Variants in SETD7 observed in about 807,000 individuals in gnomAD.
The protein encoded by SETD7 is SET domain containing 7, histone lysine methyltransferase.
In SETD7, 16 loss-of-function variants were observed where a neutral mutation model predicts 41.8. The observed-to-expected ratio is 0.38, with a 90% CI of 0.26 to 0.58. The LOEUF (loss-of-function observed/expected upper bound fraction) is 0.58, where lower values mean the gene tolerates loss of function less well. Ranked by LOEUF, SETD7 falls within the 20% of genes least tolerant of loss-of-function variation. SETD7 has a pLI of 0.64. For missense variants in SETD7, 346 were observed against 459.7 expected (o/e 0.75, Z 2.26); for synonymous variants, 163 against 169.7 (o/e 0.96, Z 0.31).
chr4:139,516,041 A>G (rs1164307252), intron 7 of SETD7, among the ~76,000 whole-genome samples: 1 of 152,216 alleles, frequency 6.6e-6, no homozygotes, highest in African/African-American at 2.4e-5. Flanking sequence ...TTCAGGGGTC[A>G]TGTAAAAACT....
At chr4:139,525,920 C>T (rs1727315310) in intron 4 of SETD7, among the ~76,000 whole-genome samples, 1 of 152,174 alleles carries the variant, frequency 6.6e-6, no homozygotes, top group South Asian at 2.1e-4. Context: ...TCAAACTATT[C>T]AACATTTCAA....
intron 7 of SETD7, among the ~76,000 whole-genome samples, chr4:139,516,749 T>C (rs2060665797): frequency 6.6e-6 from 1 of 152,210 alleles, no homozygotes; most frequent in Admixed American, 6.5e-5. Context: ...ATATTTACCT[T>C]TTGAAGTAGA....
chr4:139,528,125 A>G (rs149207926), intron 4 of SETD7, among the ~76,000 whole-genome samples: 44 of 152,290 alleles, frequency 2.9e-4, no homozygotes, highest in Non-Finnish European at 5.4e-4. Flanking sequence ...AAGCTGTGCC[A>G]CTCAAAATGC....
At position 139,555,342 on chromosome 4, in the gene SETD7, G is replaced by A. The variant is rs1016703215; in HGVS notation, c.40+756C>T. Among the ~76,000 whole-genome samples the A allele has an allele frequency of 2.0e-5, 3 of 151,910 alleles. No homozygotes were observed. The highest frequency in any genetic ancestry group is 2.9e-5 in the Non-Finnish European group (2 of 67,988). On this transcript the variant is annotated intron_variant, in intron 1 of 7. Transcript: ENST00000274031. This position sits in a 1 kb window ranked among gnomAD's most constrained non-coding sequence, Gnocchi z 4.0. ...AATTCAGAAAGTTAAGTGTCACCCAGCAATCTCGGTGCGGACTCGCGGCGC... is the reference window on the plus strand; with the variant it reads ...AATTCAGAAAGTTAAGTGTCACCCAACAATCTCGGTGCGGACTCGCGGCGC...
Position 139,506,666 on chromosome 4 carries a change from T to C in SETD7, c.*4997A>G, listed in dbSNP as rs1726712594. On this transcript the variant is annotated 3_prime_UTR_variant, in exon 8 of 8. Coordinates refer to ENST00000274031, the MANE Select transcript of SETD7 (RefSeq NM_030648.4). ...TACACAGTGAAAATTTATCCTAATA[T>C]GTATCATTTCATTATATCCAGGACC... The C allele has an allele frequency of 6.6e-6, 1 of 152,654 alleles. No homozygotes were observed. The highest frequency in any genetic ancestry group is 1.5e-5 in the Non-Finnish European group (1 of 68,040). The allele number at this position is 152,654 out of a possible 1,614,324, so 9.5% of individuals were successfully genotyped here.
chr4:139,550,991 T>C (rs1728094626), intron 1 of SETD7, among the ~76,000 whole-genome samples: 1 of 152,158 alleles, frequency 6.6e-6, no homozygotes, highest in East Asian at 1.9e-4. Flanking sequence ...GGCAAACTAG[T>C]TGAACACACT....
intron 4 of SETD7, among the ~76,000 whole-genome samples, chr4:139,525,116 C>T (rs1235336414): frequency 2.6e-5 from 4 of 152,196 alleles, no homozygotes; most frequent in African/African-American, 7.2e-5. Context: ...TGTGCCCAGC[C>T]GTCACTTTTT....
Position 139,523,412 on chromosome 4 carries a change from A to G in SETD7, c.586T>C (p.Ser196Pro). 6.2e-7 allele frequency: 1 copy of G among 1,613,618 alleles called. No individual in the cohort carries two copies. The change falls in exon 5 of 8, where the codon TCG becomes CCG. Residue 196 changes from serine to proline, a missense_variant. Transcript: ENST00000274031. ...TTGGTAGAAATGCAAGATGAAGTCG[A>G]CTTATCAAAGTGGTACACTGAATCT... is the stretch of plus-strand genomic sequence containing the variant. ...PGNSVYHFDK[S>P]TSSCISTNAL... is the part of the protein sequence containing the mutation.
intron 3 of SETD7, chr4:139,532,709 A>G (rs1232471160): frequency 5.7e-6 from 1 of 175,886 alleles, no homozygotes; most frequent in Non-Finnish European, 1.2e-5. Context: ...AAAAGCAGTT[A>G]GTGGAATTGT....
In SETD7 at chr4:139,513,730, C is replaced by T. The variant is rs567824685; in HGVS notation, c.921-1887G>A. Among the ~76,000 whole-genome samples, 68 of 152,316 alleles carry T rather than the reference C, an allele frequency of 4.5e-4. 1 individual carries two copies. The highest frequency in any genetic ancestry group is 1.6e-3 in the African/African-American group (67 of 41,564). On this transcript the variant is annotated intron_variant, in intron 7 of 7. Coordinates refer to ENST00000274031, the MANE Select transcript of SETD7 (RefSeq NM_030648.4). Reference sequence around the variant, plus strand: ...TATCTCTGAATCTCACTTTCCTCATCTGTAAAATCATGATAATACTAGTAA... The same window carrying T: ...TATCTCTGAATCTCACTTTCCTCATTTGTAAAATCATGATAATACTAGTAA...
chr4:139,525,701 A>G (rs979042559), intron 4 of SETD7, among the ~76,000 whole-genome samples: 1 of 152,152 alleles, frequency 6.6e-6, no homozygotes, highest in Non-Finnish European at 1.5e-5. Flanking sequence ...TATGTGAGAT[A>G]TTTGCATTAA....
At chr4:139,544,621 A>G (rs1227175162) in intron 2 of SETD7, among the ~76,000 whole-genome samples, 1 of 152,154 alleles carries the variant, frequency 6.6e-6, no homozygotes, top group Non-Finnish European at 1.5e-5. Flanking sequence ...TCTTGAAGCT[A>G]ACAAGTAGCT....
At chr4:139,493,671 C>G (rs1424465929), downstream of SETD7, among the ~76,000 whole-genome samples, 1 of 151,862 alleles carries the variant, frequency 6.6e-6, no homozygotes, top group Non-Finnish European at 1.5e-5. Flanking sequence ...TCTCGAGTAG[C>G]TGGGACTACA....
At chr4:139,553,589 T>C (rs915935642) in intron 1 of SETD7, among the ~76,000 whole-genome samples, 1 of 152,366 alleles carries the variant, frequency 6.6e-6, no homozygotes, top group African/African-American at 2.4e-5. Flanking sequence ...GGATTAGTCC[T>C]TAACTTCTGT....
Position 139,546,964 on chromosome 4 carries a change from G to C in SETD7, c.126C>G (p.His42Gln), listed in dbSNP as rs141627277. ...ACTTCCCCCGTCCGTTCTTTTCTCC[G>C]TGAACAAAGTTCCCCTCAAATCTGT... The part of the protein sequence containing the change: ...STDRFEGNFV[H>Q]GEKNGRGKFF... The change falls in exon 2 of 8, where the codon CAC (histidine) becomes CAG (glutamine). Residue 42 changes from histidine to glutamine, a missense_variant. Around this residue, in one of 3 missense-constraint regions of SETD7, gnomAD observed 266 missense variants for 377.0 expected, o/e 0.71. Coordinates refer to ENST00000274031, the MANE Select transcript of SETD7 (RefSeq NM_030648.4). 1.9e-6 allele frequency: 3 copies of C among 1,614,124 alleles called. No individual in the cohort carries two copies. The highest frequency in any genetic ancestry group is 2.5e-6 in the Non-Finnish European group (3 of 1,180,034).
At position 139,517,923 on chromosome 4, in the gene SETD7, C is replaced by T; in HGVS notation, c.882G>A (p.Lys294=). Residue 294 remains lysine, a synonymous_variant, in exon 7 of 8, where the codon AAG becomes AAA. Coordinates refer to ENST00000274031, the MANE Select transcript of SETD7 (RefSeq NM_030648.4). ...VSKYCASLGH[K]ANHSFTPNCI... The stretch of plus-strand genomic sequence containing the variant: ...AGTTTGGAGTGAAGGAGTGATTTGC[C>T]TTGTGTCCCAAGGAGGCACAGTACT... 14 of 1,613,828 alleles carry T rather than the reference C, an allele frequency of 8.7e-6. No individual in the cohort carries two copies. Among genetic ancestry groups the T allele is most frequent in the Non-Finnish European group, 1.1e-5 (13 of 1,179,852 alleles).
chr4:139,548,492 C>T (rs568943971), intron 1 of SETD7, among the ~76,000 whole-genome samples: 2 of 152,198 alleles, frequency 1.3e-5, no homozygotes, highest in East Asian at 3.9e-4. Context: ...ATTAGCCAGG[C>T]ATGGTGGCGG....
In SETD7 at chr4:139,511,637, G is replaced by T; in HGVS notation, c.*26C>A. The T allele has an allele frequency of 6.2e-7, 1 of 1,613,054 alleles. No individual in the cohort carries two copies. The highest frequency in any genetic ancestry group is 8.5e-7 in the Non-Finnish European group (1 of 1,179,792). On this transcript the variant is annotated 3_prime_UTR_variant, in exon 8 of 8. Transcript: ENST00000274031. ...GCATAGATCCAAGTTTCTATTCCAG[G>T]TCTCTGAACCCCAAAGCCAGGCCTT...
chr4:139,536,909 A>T (rs1012548697), intron 2 of SETD7, among the ~76,000 whole-genome samples: 8 of 152,004 alleles, frequency 5.3e-5, no homozygotes, highest in African/African-American at 9.7e-5. Context: ...AGGCTGAGGC[A>T]CGAGAATTGC....
Sources: allele counts gnomAD v4.1 joint callset (sites outside exome capture counted in the v4.1 genomes callset), GRCh38; gene constraint gnomAD v4.1.1; regional missense constraint gnomAD v4.1.1; non-coding constraint Gnocchi (gnomAD v3.1); transcripts MANE v1.5; gene names NCBI Gene and HGNC (gene_info 2026-07-23, HGNC 2026-07-21).